Variants in MGAM2 observed in about 807,000 individuals in gnomAD.
The protein encoded by MGAM2 is probable maltase-glucoamylase 2.
In MGAM2, 98 loss-of-function variants were observed where a neutral mutation model predicts 96.1. The ratio of observed to expected loss-of-function variants is 1.02; its 90% CI spans 0.87 to 1.21. The LOEUF (loss-of-function observed/expected upper bound fraction) is 1.21, where lower values mean the gene tolerates loss of function less well. Among genes scored for constraint, MGAM2 ranks in the 50% most tolerant of loss-of-function variants. MGAM2 has a pLI of 0.00. For synonymous variants in MGAM2, 749 were observed against 414.8 expected, an observed-to-expected ratio of 1.81 and a Z score of -9.79; for missense variants, 2,055 against 1,182.4, an observed-to-expected ratio of 1.74 and a Z score of -10.82.
At chr7:142,132,472 T>C (rs1046412806) in intron 6 of MGAM2, among the ~76,000 whole-genome samples, 2 of 139,374 alleles carry the variant, frequency 1.4e-5, no homozygotes, top group African/African-American at 5.3e-5. Context: ...AATTATAAAA[T>C]TATAAATTTC....
intron 12 of MGAM2, 131 bp downstream of exon 12, chr7:142,141,250 A>C: frequency 3.5e-6 from 2 of 567,056 alleles, no homozygotes; most frequent in Non-Finnish European, 6.2e-6. Context: ...TTTTATTACT[A>C]TTTTAAACCA....
chr7:142,144,171 G>A (rs1015108566), intron 13 of MGAM2, among the ~76,000 whole-genome samples: 4 of 152,104 alleles, frequency 2.6e-5, no homozygotes, highest in African/African-American at 9.7e-5. Context: ...TATTAAAACA[G>A]TATTATAATT....
chr7:142,147,462 T>G lies in MGAM2; in HGVS notation c.1523T>G (p.Leu508Arg). ...LNFPPFLPRV[L>R]DHLLFARTLC... is the part of the protein sequence containing the mutation. ...AATGAGTATTTCCCTCCAGGAGTTC[T>G]GGATCACTTACTTTTTGCAAGAACT... The change falls in exon 15 of 48, where the codon CTG becomes CGG. Residue 508 changes from leucine to arginine, a missense_variant. By Grantham distance (102) the Leu-to-Arg change is moderately radical. Coordinates refer to ENST00000477922, the MANE Select transcript of MGAM2 (RefSeq NM_001293626.2). 2 of 702,254 alleles carry G rather than the reference T, an allele frequency of 2.8e-6. No individual in the cohort carries two copies. Among genetic ancestry groups the G allele is most frequent in the South Asian group, 3.0e-5 (2 of 67,402 alleles). The allele number at this position is 702,254 out of a possible 1,614,324, so 43.5% of individuals were successfully genotyped here. A position where few individuals can be genotyped will look rare whatever the true frequency, so the allele number is the denominator to read the frequency against.
Position 142,131,555 on chromosome 7 carries a change from T to G in MGAM2, c.348T>G (p.Ser116=), listed in dbSNP as rs1398114143. 1.1e-5 allele frequency: 8 copies of G among 702,878 alleles called. No homozygotes were observed. The highest frequency in any genetic ancestry group is 2.1e-5 in the Non-Finnish European group (8 of 384,974). The allele number at this position is 702,878 out of a possible 1,614,324, so 43.5% of individuals were successfully genotyped here. Residue 116 remains serine, a synonymous_variant, in exon 5 of 48, where the codon TCT becomes TCG. Coordinates refer to ENST00000477922, the MANE Select transcript of MGAM2 (RefSeq NM_001293626.2). ...AGTTGAAAAGGTTGCCATCACCATC[T>G]CTGTTTGGAAATGATGTCGCCACCA... The part of the protein sequence containing the change: ...TAQLKRLPSP[S]LFGNDVATTL...
At chr7:142,118,517 AT>A (rs1794452445) in intron 2 of MGAM2, among the ~76,000 whole-genome samples, 2 of 152,150 alleles carry the variant, frequency 1.3e-5, no homozygotes, top group Admixed American at 1.3e-4. Flanking sequence ...TTCTGCTGAA[AT>A]TCTGGATTTT....
intron 15 of MGAM2, among the ~76,000 whole-genome samples, chr7:142,151,890 A>C (rs1220601986): frequency 1.3e-5 from 2 of 152,108 alleles, no homozygotes; most frequent in Admixed American, 6.5e-5. Flanking sequence ...TGGATCAAAA[A>C]ATGGATAACA....
intron 31 of MGAM2, among the ~76,000 whole-genome samples, chr7:142,175,406 A>G (rs1251805516): frequency 6.6e-6 from 1 of 151,592 alleles, no homozygotes; most frequent in Non-Finnish European, 1.5e-5. Context: ...AGGAAAGGGG[A>G]TAGAGTTCCA....
intron 37 of MGAM2, among the ~76,000 whole-genome samples, chr7:142,190,020 A>G (rs1029389627): frequency 6.6e-6 from 1 of 152,142 alleles, no homozygotes; most frequent in Non-Finnish European, 1.5e-5. Flanking sequence ...ATAAAATTTC[A>G]TTATATAGAT....
chr7:142,194,087 C>T (rs1441975496), intron 37 of MGAM2, among the ~76,000 whole-genome samples: 3 of 151,342 alleles, frequency 2.0e-5, no homozygotes, highest in African/African-American at 7.3e-5. Flanking sequence ...GGCTGGAGTG[C>T]AGTGGCACGA....
intron 3 of MGAM2, 93 bp from the exon 4 acceptor site, chr7:142,130,855 T>A (rs750604207): frequency 4.5e-5 from 28 of 626,354 alleles, no homozygotes; most frequent in Non-Finnish European, 7.8e-5. Context: ...TATCTTAAAT[T>A]CTCCTTGGAA....
At chr7:142,135,301 AC>A (rs1795025267) in intron 7 of MGAM2, among the ~76,000 whole-genome samples, 2 of 152,198 alleles carry the variant, frequency 1.3e-5, no homozygotes. Flanking sequence ...TTGGTCAAGG[AC>A]CCTGGCAAAT....
chr7:142,174,482 G>A (rs1228279110), intron 31 of MGAM2, among the ~76,000 whole-genome samples: 1 of 151,934 alleles, frequency 6.6e-6, no homozygotes, highest in Non-Finnish European at 1.5e-5. Flanking sequence ...GACTGTTGGT[G>A]GTGCATAGAA....
chr7:142,141,778 G>A (rs1021767304), intron 12 of MGAM2, among the ~76,000 whole-genome samples: 1 of 152,128 alleles, frequency 6.6e-6, no homozygotes, highest in African/African-American at 2.4e-5. Context: ...GGGATTACAG[G>A]TGTGAGCCAC....
At chr7:142,217,255 C>A (rs1293266138) in intron 46 of MGAM2, among the ~76,000 whole-genome samples, 2 of 152,124 alleles carry the variant, frequency 1.3e-5, no homozygotes, top group Non-Finnish European at 2.9e-5. Flanking sequence ...TCCTATGTTT[C>A]TTGCACACTG....
At position 142,196,277 on chromosome 7, in the gene MGAM2, A is replaced by G; in HGVS notation, c.4470A>G (p.Lys1490=). The G allele has an allele frequency of 1.3e-6, 1 of 769,748 alleles. No homozygotes were observed. The highest frequency in any genetic ancestry group is 2.3e-6 in the Non-Finnish European group (1 of 436,242). The allele number at this position is 769,748 out of a possible 1,614,324, so 47.7% of individuals were successfully genotyped here. Reference sequence around the variant, plus strand: ...CAGCTGCATGGGACCAGCTGGGGAAATCTATCATTGGTGTGTGGGCTCATT... The same window carrying G: ...CAGCTGCATGGGACCAGCTGGGGAAGTCTATCATTGGTGTGTGGGCTCATT... ...NNTAAWDQLG[K]SIIGMMEFSL... The change falls in exon 38 of 48, where the codon AAA becomes AAG. Residue 1490 remains lysine (K), a synonymous_variant. Coordinates refer to ENST00000477922, the MANE Select transcript of MGAM2 (RefSeq NM_001293626.2).
chr7:142,217,810 G>T (rs1314509397), intron 46 of MGAM2, among the ~76,000 whole-genome samples: 4 of 152,298 alleles, frequency 2.6e-5, no homozygotes, highest in African/African-American at 7.2e-5. Flanking sequence ...ATGTGGCTAG[G>T]TGTGGTGGCT....
rs1817428904 is a variant in MGAM2 at position 142,116,999 on chromosome 7, G to A, written c.106+20G>A. ...CTTCAGGTAAGGGAGATGCTTGTAGGTTGGAAGGCTGGGTAAAGGAAGTCT... is the reference window on the plus strand; with the variant it reads ...CTTCAGGTAAGGGAGATGCTTGTAGATTGGAAGGCTGGGTAAAGGAAGTCT... On this transcript the variant is annotated intron_variant, in intron 2 of 47. Transcript: ENST00000477922. 2.8e-6 allele frequency: 2 copies of A among 702,980 alleles called. No individual in the cohort carries two copies. The highest frequency in any genetic ancestry group is 5.2e-6 in the Non-Finnish European group (2 of 384,958). 43.5% of individuals were successfully genotyped at this position (702,980 alleles called of 1,614,324 possible).
In MGAM2 at chr7:142,132,103, C is replaced by G. The variant is rs1295413586; in HGVS notation, c.575+18C>G. 1.4e-6 allele frequency: 1 copy of G among 696,774 alleles called. No individual in the cohort carries two copies. Among genetic ancestry groups the G allele is most frequent in the South Asian group, 1.5e-5 (1 of 66,446 alleles). 43.2% of individuals were successfully genotyped at this position (696,774 alleles called of 1,614,324 possible). A position where few individuals can be genotyped will look rare whatever the true frequency, so the allele number is the denominator to read the frequency against. On this transcript the variant is annotated intron_variant, in intron 6 of 47. Coordinates refer to ENST00000477922, the MANE Select transcript of MGAM2 (RefSeq NM_001293626.2). ...AGAGTCTTGTGAGCTTTTCAACCCTCTTGGTGCATCTTTGAACACACAGTT... is the reference window on the plus strand; with the variant it reads ...AGAGTCTTGTGAGCTTTTCAACCCTGTTGGTGCATCTTTGAACACACAGTT...
At chr7:142,181,501 G>A (rs1563280060) in intron 32 of MGAM2, among the ~76,000 whole-genome samples, 1 of 152,178 alleles carries the variant, frequency 6.6e-6, no homozygotes, top group Non-Finnish European at 1.5e-5. Context: ...TATGGGGTGG[G>A]GGAGATGGGG....
Sources: gnomAD v4.1 joint callset for allele counts (sites outside exome capture counted in the v4.1 genomes callset) on GRCh38, gnomAD v4.1.1 for gene constraint, MANE v1.5 for transcripts, NCBI Gene and HGNC (gene_info 2026-07-23, HGNC 2026-07-21) for gene names.